FRYL: variants seen among roughly 807,000 people sequenced by gnomAD.
The protein encoded by FRYL is FRY like transcription coactivator.
A neutral mutation model predicts 351.2 loss-of-function variants in FRYL; 150 were observed. That is an observed-to-expected ratio of 0.43 (90% CI 0.37 to 0.49). FRYL has a LOEUF of 0.49. Ranked by LOEUF, FRYL falls within the 20% of genes least tolerant of loss-of-function variation. The pLI is 0.00. For synonymous variants in FRYL, 1,153 were observed against 1,257.1 expected (o/e 0.92, Z 1.75); for missense variants, 3,036 against 3,619.3 (o/e 0.84, Z 4.13).
At chr4:48,587,070 T>C (rs1300880191) in intron 18 of FRYL, among the ~76,000 whole-genome samples, 2 of 151,798 alleles carry the variant, frequency 1.3e-5, no homozygotes, top group Non-Finnish European at 2.9e-5. Flanking sequence ...CCACAAATAA[T>C]ATTAAAATAA....
chr4:48,648,222 G>C (rs1194691170), intron 3 of FRYL, among the ~76,000 whole-genome samples: 1 of 152,102 alleles, frequency 6.6e-6, no homozygotes, highest in Non-Finnish European at 1.5e-5. Flanking sequence ...ACAGAAACTT[G>C]ATGAAATCAC....
chr4:48,573,336 G>T, intron 25 of FRYL, 93 bp from the exon 26 acceptor site: 1 of 799,534 alleles, frequency 1.3e-6, no homozygotes, highest in Non-Finnish European at 2.1e-6. Context: ...ACTGACAAGT[G>T]TTAATTCCAA....
chr4:48,777,315 C>T (rs1439361048), intron 1 of FRYL, among the ~76,000 whole-genome samples: 2 of 152,194 alleles, frequency 1.3e-5, no homozygotes, highest in African/African-American at 4.8e-5. Flanking sequence ...ATATCTTCCC[C>T]CAACAGTAAG....
intron 36 of FRYL, 103 bp downstream of exon 36, chr4:48,553,112 A>G (rs1733258841): frequency 5.2e-6 from 4 of 768,894 alleles, no homozygotes; most frequent in East Asian, 2.6e-5. Flanking sequence ...TCTGAGATTC[A>G]TAACATGTTA....
At position 48,557,317 on chromosome 4, in the gene FRYL, A is replaced by G. The variant is rs775159521; in HGVS notation, c.4125+136T>C. 5.1e-4 allele frequency: 638 copies of G among 1,252,648 alleles called. 1 individual carries two copies. Among genetic ancestry groups the G allele is most frequent in the Admixed American group, 6.6e-4 (25 of 37,992 alleles). The allele number at this position is 1,252,648 out of a possible 1,614,324, so 77.6% of individuals were successfully genotyped here. On this transcript the variant is annotated intron_variant, in intron 34 of 63. Transcript: ENST00000358350. ...TATATGGTTTTAGTAAAAAAAATTCATATCTAATGAGTCTTTTTTAAAGAA... is the reference window on the plus strand; with the variant it reads ...TATATGGTTTTAGTAAAAAAAATTCGTATCTAATGAGTCTTTTTTAAAGAA...
At chr4:48,708,808 G>A (rs1767669780) in intron 2 of FRYL, among the ~76,000 whole-genome samples, 1 of 151,854 alleles carries the variant, frequency 6.6e-6, no homozygotes, top group African/African-American at 2.4e-5. Context: ...TGCCCAGGCT[G>A]GTCTCAAACT....
rs369692259 is a variant in FRYL, at chr4:48,553,323, C to G, written c.4327G>C (p.Val1443Leu). 3.1e-6 allele frequency: 5 copies of G among 1,611,706 alleles called. No individual in the cohort carries two copies. The African/African-American group carries it at 6.7e-5, about 22-fold the overall frequency. The change falls in exon 36 of 64, where the codon GTG becomes CTG. Residue 1443 changes from valine to leucine, a missense_variant. Val to Leu is a conservative substitution (Grantham distance 32, BLOSUM62 1). This residue lies in a region of FRYL where 1,987 missense variants were observed against 2,311.7 expected (regional missense o/e 0.86). Transcript: ENST00000358350. ...DKTMQLLEEL[V>L]SELQLTDPVS... Reference sequence around the variant, plus strand: ...GGATCGGTCAGCTGAAGCTCACTCACCAGCTCTTCTAGCAACTGCATTGTT... The same window carrying G: ...GGATCGGTCAGCTGAAGCTCACTCAGCAGCTCTTCTAGCAACTGCATTGTT...
In FRYL at chr4:48,544,890, A is replaced by C. The variant is rs1264127546; in HGVS notation, c.5294T>G (p.Leu1765Arg). 1 of 1,603,248 alleles carries C rather than the reference A, an allele frequency of 6.2e-7. No homozygotes were observed. Among genetic ancestry groups the C allele is most frequent in the Non-Finnish European group, 8.5e-7 (1 of 1,176,756 alleles). ...GGCAGAAACATCCTCATGGTTCCAA[A>C]GGGGCCCTCTTTTTCTGAAAACAGA... ...EFITSRKRGP[L>R]WNHEDVSAKN... Residue 1765 changes from leucine to arginine, a missense_variant, in exon 43 of 64, where the codon CTT becomes CGT. Physicochemically the swap from Leu to Arg is moderately radical, Grantham distance 102 (BLOSUM62 -2). Around this residue, in one of 7 missense-constraint regions of FRYL, gnomAD observed 1,987 missense variants for 2,311.7 expected, o/e 0.86. Coordinates refer to ENST00000358350, the MANE Select transcript of FRYL (RefSeq NM_015030.2).
At chr4:48,673,156 T>C (rs1762993696) in intron 3 of FRYL, among the ~76,000 whole-genome samples, 1 of 152,198 alleles carries the variant, frequency 6.6e-6, no homozygotes. Flanking sequence ...TATGTGTCTC[T>C]TGTTTTGTAA....
intron 18 of FRYL, among the ~76,000 whole-genome samples, chr4:48,587,717 G>T (rs1329809422): frequency 1.3e-5 from 2 of 151,810 alleles, no homozygotes; most frequent in Non-Finnish European, 2.9e-5. Context: ...CTAATTTTTT[G>T]TATTTTTAGT....
rs535748045 is a variant in FRYL at position 48,625,506 on chromosome 4, C to T, written c.121-2327G>A. On this transcript the variant is annotated intron_variant, in intron 4 of 63. Transcript: ENST00000358350. ...AAAATAAAACTGCATCTGTACTGAA[C>T]ATGTACAGACTTGTGTCATTATTCC... Among the ~76,000 whole-genome samples the T allele has an allele frequency of 9.9e-5, 15 of 152,278 alleles. No individual in the cohort carries two copies. In the East Asian group the frequency reaches 2.9e-3, roughly 29 times the overall value.
rs71191251 is a variant in FRYL, at chr4:48,663,774, CAAAAAAA to C, written c.-81+20892_-81+20898del. Among the ~76,000 whole-genome samples, 47 of 70,108 alleles carry C rather than the reference CAAAAAAA, an allele frequency of 6.7e-4. 2 individuals are homozygous for C. Among genetic ancestry groups the C allele is most frequent in the Admixed American group, 2.6e-3 (13 of 5,004 alleles). 46.0% of individuals were successfully genotyped at this position (70,108 alleles called of 152,430 possible). A position where few individuals can be genotyped will look rare whatever the true frequency, so the allele number is the denominator to read the frequency against. On this transcript the variant is annotated intron_variant, in intron 3 of 63. Transcript: ENST00000358350. ...TGGGCGACAGAGCGAGACTCCGTCT[CAAAAAAA>C]AAAAAAAAAAAAAAAAGAGATCCCC...
intron 1 of FRYL, among the ~76,000 whole-genome samples, chr4:48,766,356 T>C (rs755042070): frequency 1.3e-5 from 2 of 152,124 alleles, no homozygotes; most frequent in African/African-American, 2.4e-5. Flanking sequence ...AGAGGTCAGA[T>C]GACAGCTGTC....
chr4:48,515,322 G>A (rs778539291), intron 55 of FRYL, 47 bp from the exon 56 acceptor site: 10 of 1,394,870 alleles, frequency 7.2e-6, no homozygotes, highest in Non-Finnish European at 9.8e-6. Flanking sequence ...CATAAAAAAA[G>A]AATTTTACAA....
At chr4:48,697,929 T>C (rs1766356992) in intron 2 of FRYL, among the ~76,000 whole-genome samples, 1 of 152,152 alleles carries the variant, frequency 6.6e-6, no homozygotes, top group Non-Finnish European at 1.5e-5. Flanking sequence ...AGTGATCAAG[T>C]TGAAGGATAC....
chr4:48,499,121 C>A lies in FRYL; in HGVS notation c.*301G>T, dbSNP rs1419768479. 4.2e-6 allele frequency: 1 copy of A among 235,956 alleles called. No individual in the cohort carries two copies. Among genetic ancestry groups the A allele is most frequent in the Admixed American group, 5.2e-5 (1 of 19,386 alleles). The allele number at this position is 235,956 out of a possible 1,614,324, so 14.6% of individuals were successfully genotyped here. Reference sequence around the variant, plus strand: ...TTGCAAACATTCTTGGAATTCTTTTCTTTCCCCAGAAAGTAATGTATTTGT... The same window carrying A: ...TTGCAAACATTCTTGGAATTCTTTTATTTCCCCAGAAAGTAATGTATTTGT... On this transcript the variant is annotated 3_prime_UTR_variant, in exon 64 of 64. Transcript: ENST00000358350.
chr4:48,564,779 T>C (rs549598926), intron 30 of FRYL, among the ~76,000 whole-genome samples, 154 bp downstream of exon 30: 1 of 152,358 alleles, frequency 6.6e-6, no homozygotes, highest in Admixed American at 6.5e-5. Context: ...TTTTACATTA[T>C]GGGATCCTAT....
At chr4:48,644,068 C>T (rs1300988649) in intron 3 of FRYL, among the ~76,000 whole-genome samples, 1 of 152,162 alleles carries the variant, frequency 6.6e-6, no homozygotes, top group Non-Finnish European at 1.5e-5. Flanking sequence ...CTCAGCCTCC[C>T]AAGTAGCTGG....
intron 3 of FRYL, chr4:48,636,829 G>C (rs1054338245): frequency 6.6e-6 from 1 of 151,912 alleles, no homozygotes; most frequent in Non-Finnish European, 1.5e-5. Context: ...AAGTAACAAT[G>C]AACAGATCTA....
Sources: allele counts gnomAD v4.1 joint callset (sites outside exome capture counted in the v4.1 genomes callset), GRCh38; gene constraint gnomAD v4.1.1; regional missense constraint gnomAD v4.1.1; transcripts MANE v1.5; gene names NCBI Gene and HGNC (gene_info 2026-07-23, HGNC 2026-07-21).